Variants in MTARC1 observed in about 807,000 individuals in gnomAD.
MTARC1 encodes the protein mitochondrial amidoxime-reducing component 1.
In MTARC1, 24 loss-of-function variants were observed where a neutral mutation model predicts 33.6. That is an observed-to-expected ratio of 0.72 (90% CI 0.52 to 1.01). MTARC1 has a LOEUF of 1.01. MTARC1 is among the 50% of genes least tolerant of loss of function. The pLI is 0.00. For missense variants in MTARC1, 417 were observed against 445.7 expected, an observed-to-expected ratio of 0.94 and a Z score of 0.58; for synonymous variants, 187 against 189.5, an observed-to-expected ratio of 0.99 and a Z score of 0.11.
intron 4 of MTARC1, among the ~76,000 whole-genome samples, chr1:220,800,524 G>A (rs762709072): frequency 1.2e-4 from 18 of 152,168 alleles, no homozygotes; most frequent in Non-Finnish European, 2.2e-4. Flanking sequence ...GGGCACCCAG[G>A]GCTCTGGTCT....
Position 220,786,957 on chromosome 1 carries a change from G to C in MTARC1, c.13G>C (p.Gly5Arg). The C allele has an allele frequency of 8.0e-7, 1 of 1,242,492 alleles. No homozygotes were observed. Among genetic ancestry groups the C allele is most frequent in the Non-Finnish European group, 1.0e-6 (1 of 995,710 alleles). 77.0% of individuals were successfully genotyped at this position (1,242,492 alleles called of 1,614,324 possible). A position where few individuals can be genotyped will look rare whatever the true frequency, so the allele number is the denominator to read the frequency against. Residue 5 changes from glycine to arginine, a missense_variant, in exon 1 of 7, where the codon GGC becomes CGC. Gly to Arg is a moderately radical substitution (Grantham distance 125, BLOSUM62 -2). Coordinates refer to ENST00000366910, the MANE Select transcript of MTARC1 (RefSeq NM_022746.4). MGAA[G>R]SSALARFVLL... Reference sequence around the variant, plus strand: ...GGAGAAGCCAGCCATGGGCGCCGCCGGCTCCTCCGCGCTGGCGCGCTTTGT... The same window carrying C: ...GGAGAAGCCAGCCATGGGCGCCGCCCGCTCCTCCGCGCTGGCGCGCTTTGT...
At chr1:220,809,379 A>C (rs776650998) in intron 6 of MTARC1, among the ~76,000 whole-genome samples, 9 of 152,334 alleles carry the variant, frequency 5.9e-5, no homozygotes, top group African/African-American at 9.6e-5. Flanking sequence ...ACTTCTTCCC[A>C]TACTCAGAGG....
intron 6 of MTARC1, chr1:220,808,845 TTTTC>T (rs1184558591): frequency 1.1e-5 from 5 of 471,068 alleles, no homozygotes; most frequent in African/African-American, 1.0e-4. Context: ...GGAATTTTTC[TTTTC>T]TTTCTTAAGG....
intron 4 of MTARC1, among the ~76,000 whole-genome samples, chr1:220,800,277 C>T (rs1277771461): frequency 1.3e-5 from 2 of 152,202 alleles, no homozygotes; most frequent in African/African-American, 4.8e-5. Flanking sequence ...GGTGGCTGAG[C>T]CGGCCTTGTT....
In MTARC1 at chr1:220,806,055, A is replaced by G. The variant is rs1027343075; in HGVS notation, c.887+781A>G. On this transcript the variant is annotated intron_variant, in intron 6 of 6. Transcript: ENST00000366910. ...AACAAAATGGAGATACTCTTTTGGT[A>G]TAGTCATAGAATTATGGAAAAGGGT... Among the ~76,000 whole-genome samples the G allele has an allele frequency of 5.3e-5, 8 of 152,268 alleles. No individual in the cohort carries two copies. In the South Asian group the frequency reaches 1.7e-3, roughly 31 times the overall value.
chr1:220,796,444 T>A (rs569272722), intron 2 of MTARC1, among the ~76,000 whole-genome samples, 199 bp from the exon 3 acceptor site: 7 of 152,310 alleles, frequency 4.6e-5, no homozygotes, highest in Admixed American at 3.3e-4. Context: ...AGGAAAGCAA[T>A]GCTTAAAGGG....
In MTARC1 at chr1:220,816,515, C is replaced by T. The variant is rs978394242; in HGVS notation, c.*3097C>T. ...CATGGACCAGTAAGTTTGGAAAGTC[C>T]TGCGTGCCTCACTTCTCTTCAAAGG... On this transcript the variant is annotated 3_prime_UTR_variant, in exon 7 of 7. Coordinates refer to ENST00000366910, the MANE Select transcript of MTARC1 (RefSeq NM_022746.4). 4.6e-5 allele frequency: 7 copies of T among 152,208 alleles called. No individual in the cohort carries two copies. Among genetic ancestry groups the T allele is most frequent in the Non-Finnish European group, 8.8e-5 (6 of 68,054 alleles). 9.4% of individuals were successfully genotyped at this position (152,208 alleles called of 1,614,324 possible).
At chr1:220,802,274 C>G (rs920910575) in intron 4 of MTARC1, among the ~76,000 whole-genome samples, 2 of 152,142 alleles carry the variant, frequency 1.3e-5, no homozygotes, top group African/African-American at 4.8e-5. Context: ...GACAGAGAAA[C>G]TCAGACTTAT....
intron 1 of MTARC1, among the ~76,000 whole-genome samples, chr1:220,789,525 C>T (rs919629960): frequency 3.3e-5 from 5 of 152,154 alleles, no homozygotes. Context: ...CTGTCCTGGG[C>T]CACGGGTTGG....
rs2102595370 is a variant in MTARC1 at position 220,798,020 on chromosome 1, A to G, written c.753+6A>G. ...GATGCGATGTCTATGCAGAGGTAAC[A>G]CTATGCCCCTTTGGATCTTTCCTTG... On this transcript the variant is annotated splice_donor_region_variant and intron_variant, in intron 4 of 6. Coordinates refer to ENST00000366910, the MANE Select transcript of MTARC1 (RefSeq NM_022746.4). 6.2e-7 allele frequency: 1 copy of G among 1,614,212 alleles called. No homozygotes were observed.
chr1:220,788,136 C>T (rs2102581624), intron 1 of MTARC1, among the ~76,000 whole-genome samples: 1 of 152,310 alleles, frequency 6.6e-6, no homozygotes, highest in African/African-American at 2.4e-5. Context: ...GCAGCAGAAC[C>T]AGGACTCTTA....
intron 4 of MTARC1, among the ~76,000 whole-genome samples, chr1:220,801,451 C>G (rs1385121501): frequency 6.6e-6 from 1 of 152,138 alleles, no homozygotes; most frequent in Non-Finnish European, 1.5e-5. Context: ...GCTGCTGTAT[C>G]TCCAGCCCCT....
intron 4 of MTARC1, among the ~76,000 whole-genome samples, chr1:220,800,893 C>A (rs1049990948): frequency 9.1e-6 from 1 of 109,828 alleles, no homozygotes; most frequent in Admixed American, 8.2e-5. Flanking sequence ...GGTGGCTGGG[C>A]CTTCCCCCCC....
chr1:220,791,466 A>T (rs774278067), intron 1 of MTARC1, 25 bp from the exon 2 acceptor site: 3 of 1,611,872 alleles, frequency 1.9e-6, no homozygotes, highest in Non-Finnish European at 2.5e-6. Context: ...TGGTTCACAC[A>T]TATCCTGTGT....
chr1:220,800,587 CT>C (rs112800294), intron 4 of MTARC1, among the ~76,000 whole-genome samples: 45,952 of 147,942 alleles, frequency 0.31, 7,110 homozygotes, highest in Middle Eastern at 0.39. Context: ...TCTTTCTTTC[CT>C]TTTTTTTTTT....
intron 4 of MTARC1, chr1:220,798,902 T>C (rs780687436): frequency 3.1e-5 from 31 of 985,342 alleles, no homozygotes; most frequent in Non-Finnish European, 3.5e-5. Context: ...TTCTTCACTT[T>C]TGCTGTACGG....
At chr1:220,798,807 C>T (rs371918586) in intron 4 of MTARC1, 2 of 964,840 alleles carry the variant, frequency 2.1e-6, no homozygotes, top group Non-Finnish European at 2.5e-6. Context: ...GTGGTTCTTA[C>T]GTCTGCCCAT....
chr1:220,790,472 C>T (rs1278915145), intron 1 of MTARC1, among the ~76,000 whole-genome samples: 2 of 152,198 alleles, frequency 1.3e-5, no homozygotes, highest in Non-Finnish European at 2.9e-5. Context: ...GAATATTCAC[C>T]TGCTAGTCCC....
intron 1 of MTARC1, among the ~76,000 whole-genome samples, chr1:220,790,130 C>A (rs1004657991): frequency 2.0e-5 from 3 of 152,176 alleles, no homozygotes; most frequent in Admixed American, 2.0e-4. Context: ...ATTAAAGCTG[C>A]AATAAACATT....
Sources: gnomAD v4.1 joint callset for allele counts (sites outside exome capture counted in the v4.1 genomes callset) on GRCh38, gnomAD v4.1.1 for gene constraint, MANE v1.5 for transcripts, NCBI Gene and HGNC (gene_info 2026-07-23, HGNC 2026-07-21) for gene names.